ANKRD26: variants seen among roughly 807,000 people sequenced by gnomAD.
The protein encoded by ANKRD26 is ankyrin repeat domain-containing protein 26.
Under a neutral mutation model 208.7 loss-of-function variants are expected in ANKRD26, and 141 were observed. The ratio of observed to expected loss-of-function variants is 0.68; its 90% CI spans 0.59 to 0.78. The LOEUF is 0.78. ANKRD26 is among the 30% of genes least tolerant of loss of function. The pLI, the probability that ANKRD26 is intolerant of heterozygous loss-of-function variation, is 0.00. For missense variants in ANKRD26, 1,889 were observed against 1,938.7 expected (o/e 0.97, Z 0.48); for synonymous variants, 636 against 660.4 (o/e 0.96, Z 0.57).
intron 16 of ANKRD26, among the ~76,000 whole-genome samples, chr10:27,052,451 CCTA>C (rs1330095565): frequency 1.3e-5 from 2 of 152,010 alleles, no homozygotes; most frequent in Non-Finnish European, 1.5e-5. Context: ...ATACTGAGCC[CCTA>C]CAGTGCATTT....
intron 24 of ANKRD26, among the ~76,000 whole-genome samples, chr10:27,034,581 A>G (rs1199866461): frequency 1.3e-5 from 2 of 152,224 alleles, no homozygotes; most frequent in Non-Finnish European, 2.9e-5. Context: ...ATAACAATTC[A>G]TAACTTAAAA....
Position 27,092,425 on chromosome 10 carries a change from C to T in ANKRD26, c.619G>A (p.Ala207Thr), listed in dbSNP as rs756514134. The T allele has an allele frequency of 6.2e-7, 1 of 1,611,038 alleles. No homozygotes were observed. The highest frequency in any genetic ancestry group is 8.5e-7 in the Non-Finnish European group (1 of 1,177,904). ...CTGTACCTTTCCAACTTATCTACTGCATTTACATTTGCTTTTTTCTTTATT... is the reference window on the plus strand; with the variant it reads ...CTGTACCTTTCCAACTTATCTACTGTATTTACATTTGCTTTTTTCTTTATT... ...FLIKKKANVN[A>T]VDKLESSHQL... is the part of the protein sequence containing the mutation. The change falls in exon 4 of 34, where the codon GCA becomes ACA. Residue 207 changes from alanine (A) to threonine (T), a missense_variant. By Grantham distance (58) the Ala-to-Thr change is moderately conservative (BLOSUM62 0). Around this residue, in one of 3 missense-constraint regions of ANKRD26, gnomAD observed 1,272 missense variants for 1,273.8 expected, o/e 1.00. Transcript: ENST00000376087.
chr10:27,037,980 C>T lies in ANKRD26; in HGVS notation c.2450G>A (p.Arg817Lys), dbSNP rs781243838. 9.3e-6 allele frequency: 15 copies of T among 1,612,978 alleles called. No individual in the cohort carries two copies. The Admixed American group carries it at 2.2e-4, about 23-fold the overall frequency. The change falls in exon 22 of 34, where the codon AGA (arginine) becomes AAA (lysine). Residue 817 changes from arginine (R) to lysine (K), a missense_variant. Physicochemically the swap from Arg to Lys is conservative, Grantham distance 26 (BLOSUM62 2). Coordinates refer to ENST00000376087, the MANE Select transcript of ANKRD26 (RefSeq NM_014915.3). ...TTTCCTATATTGCTCTTCTTTTCTT[C>T]TTAACTGTTCCCTAATTTTTTCATA... ...TLYEKIREQL[R>K]RKEEQYRKEV...
intron 3 of ANKRD26, among the ~76,000 whole-genome samples, chr10:26,985,915 T>C (rs1475844092): frequency 6.6e-6 from 1 of 152,084 alleles, no homozygotes; most frequent in African/African-American, 2.4e-5. Context: ...CTTCACAGAA[T>C]TGGAAAAAAC....
chr10:27,070,887 G>A (rs940946450), intron 9 of ANKRD26, among the ~76,000 whole-genome samples: 9 of 151,914 alleles, frequency 5.9e-5, no homozygotes, highest in African/African-American at 2.2e-4. Context: ...GGCTGGTCTC[G>A]AACTCCTGAC....
At chr10:27,052,618 TAA>T (rs1226059517) in intron 16 of ANKRD26, among the ~76,000 whole-genome samples, 2 of 152,168 alleles carry the variant, frequency 1.3e-5, no homozygotes, top group Non-Finnish European at 2.9e-5. Context: ...ATAAACTATA[TAA>T]GACTTAAGTC....
chr10:27,077,653 G>A lies in ANKRD26; in HGVS notation c.854C>T (p.Ser285Phe), dbSNP rs1368150362. 6.2e-7 allele frequency: 1 copy of A among 1,613,300 alleles called. No homozygotes were observed. The highest frequency in any genetic ancestry group is 8.5e-7 in the Non-Finnish European group (1 of 1,179,914). The change falls in exon 8 of 34, where the codon TCT (serine) becomes TTT (phenylalanine). Residue 285 changes from serine (S) to phenylalanine (F), a missense_variant. Physicochemically the swap from Ser to Phe is radical, Grantham distance 155 (BLOSUM62 -2). This residue lies in a region of ANKRD26 where 1,272 missense variants were observed against 1,273.8 expected (regional missense o/e 1.00). Coordinates refer to ENST00000376087, the MANE Select transcript of ANKRD26 (RefSeq NM_014915.3). ...KPSLAKLMTA[S>F]QQSRKNLEAT... is the part of the protein sequence containing the mutation. Reference sequence around the variant, plus strand: ...CTTACAATTTTTCCTGGATTGCTGAGAAGCAGTCATTAGCTTTGCTAAGCT... The same window carrying A: ...CTTACAATTTTTCCTGGATTGCTGAAAAGCAGTCATTAGCTTTGCTAAGCT...
downstream of ANKRD26, among the ~76,000 whole-genome samples, chr10:26,999,796 C>A (rs1589187523): frequency 8.5e-6 from 1 of 118,230 alleles, no homozygotes; most frequent in African/African-American, 3.4e-5. Context: ...AGGTTTGAGA[C>A]CAAAACCAAC....
At chr10:27,033,890 C>T (rs1052065242) in intron 24 of ANKRD26, among the ~76,000 whole-genome samples, 5 of 152,166 alleles carry the variant, frequency 3.3e-5, no homozygotes, top group Admixed American at 3.3e-4. Context: ...TCCCTGACCT[C>T]GGCTGCTATG....
intron 6 of ANKRD26, 125 bp from the exon 7 acceptor site, chr10:27,079,286 G>A: frequency 1.4e-6 from 1 of 731,096 alleles, no homozygotes; most frequent in Non-Finnish European, 2.4e-6. Context: ...AAGGTCAACT[G>A]TCTGCATATT....
chr10:27,028,762 T>C (rs1486349791), intron 27 of ANKRD26, 90 bp downstream of exon 27: 2 of 1,074,440 alleles, frequency 1.9e-6, no homozygotes, highest in Non-Finnish European at 2.8e-6. Context: ...ACTTCTGGTC[T>C]CAAGCATTTT....
At chr10:27,020,186 A>G (rs781451062) in intron 29 of ANKRD26, among the ~76,000 whole-genome samples, 7 of 152,216 alleles carry the variant, frequency 4.6e-5, no homozygotes, top group East Asian at 1.9e-4. Context: ...GACACACAAC[A>G]TTGTACATAT....
chr10:26,972,064 T>C (rs960618595), downstream of ANKRD26, among the ~76,000 whole-genome samples: 2 of 151,766 alleles, frequency 1.3e-5, no homozygotes, highest in African/African-American at 2.4e-5. Flanking sequence ...TGAAACCCCG[T>C]CTCTACTAAA....
Position 27,033,324 on chromosome 10 carries a change from A to G in ANKRD26, c.3708T>C (p.Ser1236=), listed in dbSNP as rs369680037. The stretch of plus-strand genomic sequence containing the variant: ...TAACCTCCAGTGAAGCCTCTGACAT[A>G]GATTGTTTTTTTAGGGTATCAGCTA... ...QELADTLKKQ[S]MSEASLEVTS... is the part of the protein sequence containing the mutation. The change falls in exon 25 of 34, where the codon TCT becomes TCC. Residue 1236 remains serine, a synonymous_variant. Transcript: ENST00000376087. 6.8e-6 allele frequency: 11 copies of G among 1,612,434 alleles called. No homozygotes were observed. Among genetic ancestry groups the G allele is most frequent in the Non-Finnish European group, 8.5e-6 (10 of 1,178,966 alleles).
chr10:27,049,069 T>C, intron 16 of ANKRD26, 90 bp from the exon 17 acceptor site: 1 of 1,127,172 alleles, frequency 8.9e-7, no homozygotes, highest in Non-Finnish European at 1.3e-6. Flanking sequence ...TTGACTCAGT[T>C]TAACTATGGT....
chr10:26,959,344 T>C, the ANKRD26 span, among the ~76,000 whole-genome samples: 1 of 149,354 alleles, frequency 6.7e-6, no homozygotes, highest in Non-Finnish European at 1.5e-5. Context: ...GTAGTGAAAG[T>C]GGAGGTTATA....
intron 27 of ANKRD26, among the ~76,000 whole-genome samples, chr10:27,026,422 C>G (rs1299214606): frequency 1.3e-5 from 2 of 152,098 alleles, no homozygotes; most frequent in Non-Finnish European, 2.9e-5. Context: ...GACTTCATAT[C>G]AATATATTGT....
intron 1 of ANKRD26, 126 bp from the exon 2 acceptor site, chr10:27,093,925 T>A (rs2056383407): frequency 1.3e-6 from 1 of 777,678 alleles, no homozygotes; most frequent in Non-Finnish European, 2.0e-6. Context: ...CCAAATCTCA[T>A]CTTGGCTGTG....
At chr10:26,990,910 CA>C (rs770760156), downstream of ANKRD26, among the ~76,000 whole-genome samples, 4 of 152,170 alleles carry the variant, frequency 2.6e-5, no homozygotes, top group Non-Finnish European at 5.9e-5. Context: ...AACGTTTAGT[CA>C]TTAAAGAGAA....
Sources: allele counts gnomAD v4.1 joint callset (sites outside exome capture counted in the v4.1 genomes callset), GRCh38; gene constraint gnomAD v4.1.1; regional missense constraint gnomAD v4.1.1; transcripts MANE v1.5; gene names NCBI Gene and HGNC (gene_info 2026-07-23, HGNC 2026-07-21).